Variants in CALN1 observed in about 807,000 individuals in gnomAD.
CALN1 encodes the protein calcium-binding protein 8.
A neutral mutation model predicts 30.6 loss-of-function variants in CALN1; 17 were observed. The ratio of observed to expected loss-of-function variants is 0.56; its 90% CI spans 0.38 to 0.83. The LOEUF is 0.83. CALN1 is among the 40% of genes least tolerant of loss of function. The pLI is 0.00. For missense variants in CALN1, 291 were observed against 354.9 expected (o/e 0.82, Z 1.45); for synonymous variants, 156 against 131.4 (o/e 1.19, Z -1.28).
intron 2 of CALN1, among the ~76,000 whole-genome samples, chr7:72,341,138 T>C (rs1378017993): frequency 1.3e-5 from 2 of 152,228 alleles, no homozygotes; most frequent in Non-Finnish European, 2.9e-5. Context: ...CTTTGATCCC[T>C]TAGTTTGGAT....
chr7:72,317,254 A>AG (rs112742610), intron 2 of CALN1, among the ~76,000 whole-genome samples: 2 of 114,706 alleles, frequency 1.7e-5, no homozygotes, highest in Non-Finnish European at 1.8e-5. Flanking sequence ...AGGAGAGAGA[A>AG]GGGGGGGACG....
At chr7:72,013,247 A>ATTTTTTTTTTTT (rs1025112311) in intron 5 of CALN1, among the ~76,000 whole-genome samples, 1 of 92,978 alleles carries the variant, frequency 1.1e-5, no homozygotes, top group African/African-American at 4.7e-5. Flanking sequence ...CTAATTTGAG[A>ATTTTTTTTTTTT]TTTTTTTTTT....
chr7:72,286,038 G>A (rs1798058761), intron 2 of CALN1, among the ~76,000 whole-genome samples: 1 of 152,312 alleles, frequency 6.6e-6, no homozygotes, highest in South Asian at 2.1e-4. Flanking sequence ...GCCAGAGTAT[G>A]GAAGAAGCTT....
At chr7:72,402,025 G>A (rs1402605867) in intron 2 of CALN1, among the ~76,000 whole-genome samples, 1 of 152,170 alleles carries the variant, frequency 6.6e-6, no homozygotes, top group Non-Finnish European at 1.5e-5. Flanking sequence ...CTGGGATGGG[G>A]AGACCATCCC....
At chr7:72,439,600 T>C (rs899264965) in intron 1 of CALN1, among the ~76,000 whole-genome samples, 1 of 147,806 alleles carries the variant, frequency 6.8e-6, no homozygotes, top group African/African-American at 2.5e-5. Flanking sequence ...TTTTTTGAGA[T>C]GGAGTCTCGC....
intron 2 of CALN1, among the ~76,000 whole-genome samples, chr7:72,393,931 T>C (rs1198781455): frequency 6.6e-6 from 1 of 152,094 alleles, no homozygotes; most frequent in Non-Finnish European, 1.5e-5. Flanking sequence ...CACTCTTAAA[T>C]ATTTATCAGC....
chr7:71,991,242 T>C (rs761733960), intron 5 of CALN1, among the ~76,000 whole-genome samples: 9 of 152,272 alleles, frequency 5.9e-5, no homozygotes, highest in African/African-American at 1.2e-4. Flanking sequence ...GCAGATCATC[T>C]GCAGTCAGGA....
At chr7:72,086,016 A>C (rs1240059519) in intron 4 of CALN1, among the ~76,000 whole-genome samples, 1 of 152,096 alleles carries the variant, frequency 6.6e-6, no homozygotes. Context: ...AAAAGAGATA[A>C]AAAAATATAT....
the CALN1 span, among the ~76,000 whole-genome samples, chr7:72,499,846 TTTC>T: frequency 0.023 from 688 of 30,230 alleles, 102 homozygotes; most frequent in African/African-American, 0.12. Flanking sequence ...TCTTTCTTTC[TTTC>T]TTTCTTTCTT....
intron 2 of CALN1, among the ~76,000 whole-genome samples, chr7:72,281,400 C>T (rs1392822277): frequency 1.3e-5 from 2 of 152,184 alleles, no homozygotes; most frequent in East Asian, 3.9e-4. Context: ...AATGAGATGT[C>T]AACCCTGGCT....
intron 3 of CALN1, among the ~76,000 whole-genome samples, chr7:72,236,054 G>C (rs1399862426): frequency 6.8e-6 from 1 of 147,424 alleles, no homozygotes; most frequent in Non-Finnish European, 1.5e-5. Context: ...GACCTGCCTG[G>C]GCAATATAAT....
intron 3 of CALN1, among the ~76,000 whole-genome samples, chr7:72,148,956 A>AGAAG (rs1329158920): frequency 2.3e-5 from 3 of 131,680 alleles, no homozygotes; most frequent in Non-Finnish European, 4.8e-5. Context: ...AAGGAAGGAA[A>AGAAG]GAAGGAAGGG....
intron 2 of CALN1, among the ~76,000 whole-genome samples, chr7:72,308,367 G>GT (rs1799797642): frequency 9.7e-6 from 1 of 102,872 alleles, no homozygotes; most frequent in African/African-American, 4.0e-5. Context: ...CTGTCTGTGG[G>GT]GGGGGGAGAG....
At chr7:72,413,581 C>A (rs1221211037), upstream of CALN1, among the ~76,000 whole-genome samples, 2 of 129,238 alleles carry the variant, frequency 1.5e-5, no homozygotes, top group African/African-American at 6.2e-5. Flanking sequence ...CACACACACA[C>A]TCATACATAT....
At chr7:71,966,813 T>C (rs1020281857) in intron 5 of CALN1, among the ~76,000 whole-genome samples, 4 of 152,236 alleles carry the variant, frequency 2.6e-5, no homozygotes, top group Admixed American at 2.0e-4. Context: ...ATGAAAATTA[T>C]AGTTCTTCTC....
At chr7:71,951,021 T>C (rs917795706) in intron 5 of CALN1, among the ~76,000 whole-genome samples, 5 of 152,212 alleles carry the variant, frequency 3.3e-5, no homozygotes, top group African/African-American at 1.2e-4. Flanking sequence ...ACCATAACAT[T>C]TATCCATAAA....
chr7:72,198,378 A>T (rs1791180716), intron 3 of CALN1, among the ~76,000 whole-genome samples: 1 of 152,236 alleles, frequency 6.6e-6, no homozygotes, highest in Admixed American at 6.5e-5. Context: ...GATCGCAGGT[A>T]CCTTGCTTTA....
chr7:72,178,751 G>C (rs1318301109), intron 3 of CALN1, among the ~76,000 whole-genome samples: 5 of 151,714 alleles, frequency 3.3e-5, no homozygotes, highest in Non-Finnish European at 7.4e-5. Flanking sequence ...TTTCACTTGG[G>C]TAATATTTTT....
At chr7:72,266,046 G>A (rs505511) in intron 3 of CALN1, among the ~76,000 whole-genome samples, 87,375 of 151,600 alleles carry the variant, frequency 0.58, 25,528 homozygotes, top group African/African-American at 0.65. Flanking sequence ...AGGTGGGAGG[G>A]TCGCTTGAAC....
Sources: allele counts gnomAD v4.1 joint callset (sites outside exome capture counted in the v4.1 genomes callset), GRCh38; gene constraint gnomAD v4.1.1; transcripts MANE v1.5; gene names NCBI Gene and HGNC (gene_info 2026-07-23, HGNC 2026-07-21).